Variants in MAGI2 observed in about 807,000 individuals in gnomAD.
The protein encoded by MAGI2 is membrane associated guanylate kinase, WW and PDZ domain containing 2, also known as membrane-associated guanylate kinase, WW and PDZ domain-containing protein 2.
Under a neutral mutation model 133.3 loss-of-function variants are expected in MAGI2, and 35 were observed. That is an observed-to-expected ratio of 0.26 (90% CI 0.20 to 0.35). The LOEUF (loss-of-function observed/expected upper bound fraction) is 0.35. Among genes scored for constraint, MAGI2 ranks in the 10% least tolerant of loss-of-function variants. The pLI is 1.00. For synonymous variants in MAGI2, 729 were observed against 710.6 expected (o/e 1.03, Z -0.41); for missense variants, 1,636 against 1,863.4 (o/e 0.88, Z 2.25).
At chr7:78,243,265 ACACACTCTCTCT>A (rs1390135744) in intron 10 of MAGI2, among the ~76,000 whole-genome samples, 554 of 42,186 alleles carry the variant, frequency 0.013, 4 homozygotes, top group African/African-American at 0.033. Flanking sequence ...ACACACACAC[ACACACTCTCTCT>A]CTCTCTCTCT....
chr7:79,330,351 G>A (rs1839986054), intron 1 of MAGI2, among the ~76,000 whole-genome samples: 1 of 151,404 alleles, frequency 6.6e-6, no homozygotes, highest in African/African-American at 2.4e-5. Flanking sequence ...CTGCCACCAC[G>A]CCCGGCTAAT....
intron 2 of MAGI2, among the ~76,000 whole-genome samples, chr7:78,999,450 A>G (rs1377192391): frequency 6.6e-6 from 1 of 152,098 alleles, no homozygotes; most frequent in African/African-American, 2.4e-5. Flanking sequence ...TCTGTAGAGC[A>G]CTCTGTCAAC....
intron 2 of MAGI2, among the ~76,000 whole-genome samples, chr7:78,678,074 A>T (rs1413321347): frequency 6.6e-6 from 1 of 152,192 alleles, no homozygotes; most frequent in East Asian, 1.9e-4. Flanking sequence ...TTAGGGAGGC[A>T]GTACCGATCA....
intron 2 of MAGI2, among the ~76,000 whole-genome samples, chr7:78,848,098 C>T (rs1216715119): frequency 1.3e-5 from 2 of 151,720 alleles, no homozygotes; most frequent in African/African-American, 2.4e-5. Flanking sequence ...GAGTCCTGAC[C>T]TCTCCCCCTG....
At chr7:78,497,722 TTCTATCTATCTATCTATCTA>T (rs71517019) in intron 5 of MAGI2, among the ~76,000 whole-genome samples, 2 of 97,202 alleles carry the variant, frequency 2.1e-5, no homozygotes, top group South Asian at 4.2e-4. Context: ...GAAATAACTA[TTCTATCTATCTATCTATCTA>T]TCTATCTATC....
intron 9 of MAGI2, among the ~76,000 whole-genome samples, chr7:78,331,737 T>G (rs936621295): frequency 1.3e-5 from 2 of 152,200 alleles, no homozygotes; most frequent in Non-Finnish European, 2.9e-5. Context: ...ACTCTGGTAC[T>G]CTAATATAAC....
chr7:78,140,333 A>G (rs2150554834), intron 16 of MAGI2, among the ~76,000 whole-genome samples: 1 of 152,298 alleles, frequency 6.6e-6, no homozygotes, highest in East Asian at 1.9e-4. Flanking sequence ...CATTTCAGAG[A>G]AAGAAAAGTC....
At chr7:78,931,629 C>A (rs2151658124) in intron 2 of MAGI2, among the ~76,000 whole-genome samples, 1 of 152,156 alleles carries the variant, frequency 6.6e-6, no homozygotes. Context: ...CTCAGAATAG[C>A]CTATCCTATT....
intron 1 of MAGI2, among the ~76,000 whole-genome samples, chr7:79,054,193 CTCAA>C (rs1812932167): frequency 6.6e-6 from 1 of 151,856 alleles, no homozygotes. Context: ...GAGACTCTGT[CTCAA>C]TCAATCAATA....
intron 1 of MAGI2, among the ~76,000 whole-genome samples, chr7:79,186,759 A>ATATATTTATATAAAAG (rs1562974078): frequency 1.1e-5 from 1 of 89,650 alleles, no homozygotes; most frequent in African/African-American, 4.3e-5. Context: ...AAGTATATAT[A>ATATATTTATATAAAAG]TATATATATA....
intron 2 of MAGI2, among the ~76,000 whole-genome samples, chr7:78,842,971 G>A (rs1353630913): frequency 6.6e-6 from 1 of 151,774 alleles, no homozygotes; most frequent in Admixed American, 6.6e-5. Flanking sequence ...TCCAAAAAAA[G>A]CTTTAAATAT....
rs369974236 is a variant in MAGI2 at position 78,600,309 on chromosome 7, G to C, written c.538+26811C>G. On this transcript the variant is annotated intron_variant, in intron 3 of 21. Coordinates refer to ENST00000354212, the MANE Select transcript of MAGI2 (RefSeq NM_012301.4). ...GCAAATCAAGAATAACACAATTTTA[G>C]AAGAAGACATATAGATGGAGAGTTA... Among the ~76,000 whole-genome samples the C allele has an allele frequency of 3.6e-4, 55 of 152,132 alleles. 2 individuals carry two copies. The South Asian group carries it at 0.01, about 29-fold the overall frequency.
At chr7:78,361,111 T>G (rs578045689) in intron 7 of MAGI2, among the ~76,000 whole-genome samples, 1 of 152,072 alleles carries the variant, frequency 6.6e-6, no homozygotes, top group Non-Finnish European at 1.5e-5. Context: ...TAAAAAATGC[T>G]TGGGCCAGGC....
At chr7:79,372,245 T>C (rs1327410553) in intron 1 of MAGI2, among the ~76,000 whole-genome samples, 1 of 152,154 alleles carries the variant, frequency 6.6e-6, no homozygotes, top group East Asian at 1.9e-4. Flanking sequence ...AGTATCATTC[T>C]AGAGGAAAGG....
chr7:78,553,557 T>G (rs1230107166), intron 3 of MAGI2, among the ~76,000 whole-genome samples: 1 of 152,182 alleles, frequency 6.6e-6, no homozygotes, highest in Non-Finnish European at 1.5e-5. Context: ...TCCCCAAGCC[T>G]GACAACTCAG....
intron 1 of MAGI2, among the ~76,000 whole-genome samples, chr7:79,448,792 G>T (rs1005973644): frequency 6.6e-6 from 1 of 152,064 alleles, no homozygotes; most frequent in Non-Finnish European, 1.5e-5. Flanking sequence ...CAATGAAAAG[G>T]AAAGTGAGCA....
At chr7:78,548,142 G>A (rs868549259) in intron 3 of MAGI2, among the ~76,000 whole-genome samples, 2 of 152,154 alleles carry the variant, frequency 1.3e-5, no homozygotes, top group South Asian at 4.1e-4. Flanking sequence ...CCCATTTGAG[G>A]CATTACAGTT....
intron 6 of MAGI2, among the ~76,000 whole-genome samples, chr7:78,411,159 G>GC (rs1282764272): frequency 6.6e-6 from 1 of 151,982 alleles, no homozygotes; most frequent in Non-Finnish European, 1.5e-5. Flanking sequence ...AAAGAAATGA[G>GC]CCCTATGTAG....
At position 79,166,712 on chromosome 7, in the gene MAGI2, G is replaced by T. The variant is rs140568142; in HGVS notation, c.302-159506C>A. Among the ~76,000 whole-genome samples, 297 of 152,122 alleles carry T rather than the reference G, an allele frequency of 2.0e-3. 1 individual carries two copies. The highest frequency in any genetic ancestry group is 6.6e-3 in the African/African-American group (274 of 41,512). Reference sequence around the variant, plus strand: ...CTTATCTTTAGCAAATGAAAATATGGTTAGATAATTCAGTTTAAATTTCTC... The same window carrying T: ...CTTATCTTTAGCAAATGAAAATATGTTTAGATAATTCAGTTTAAATTTCTC... On this transcript the variant is annotated intron_variant, in intron 1 of 21. Coordinates refer to ENST00000354212, the MANE Select transcript of MAGI2 (RefSeq NM_012301.4).
Sources: gnomAD v4.1 joint callset for allele counts (sites outside exome capture counted in the v4.1 genomes callset) on GRCh38, gnomAD v4.1.1 for gene constraint, MANE v1.5 for transcripts, NCBI Gene and HGNC (gene_info 2026-07-23, HGNC 2026-07-21) for gene names.